The following DNAH5 variants were observed in gnomAD, a reference collection of about 807,000 sequenced individuals.
DNAH5 encodes the protein axonemal beta dynein heavy chain 5.
Under a neutral mutation model 518.2 loss-of-function variants are expected in DNAH5, and 372 were observed. The observed-to-expected ratio is 0.72, with a 90% CI of 0.66 to 0.78. DNAH5 has a LOEUF of 0.78. DNAH5 is among the 30% of genes least tolerant of loss of function. The pLI, the probability that DNAH5 is intolerant of heterozygous loss-of-function variation, is 0.00. For synonymous variants in DNAH5, 2,039 were observed against 2,025.9 expected (o/e 1.01, Z -0.17); for missense variants, 5,523 against 5,687.0 (o/e 0.97, Z 0.93).
Position 13,829,560 on chromosome 5 carries a change from T to C in DNAH5, c.6394A>G (p.Arg2132Gly), listed in dbSNP as rs763115422. 5 of 1,614,200 alleles carry C rather than the reference T, an allele frequency of 3.1e-6. No individual in the cohort carries two copies. In the East Asian group the frequency reaches 1.1e-4, roughly 36 times the overall value. ...CGFIDNVVLARKFFTLYKLCE... is the reference protein window; with the variant it reads ...CGFIDNVVLAGKFFTLYKLCE... ...AGTTTGTAGAGCGTGAAAAACTTCC[T>C]GGCCAAAACAACGTTGTCAATGAAG... Residue 2132 changes from arginine (R) to glycine (G), a missense_variant, in exon 38 of 79, where the codon AGG becomes GGG. Arg to Gly is a moderately radical substitution (Grantham distance 125). Around this residue, in one of 3 missense-constraint regions of DNAH5, gnomAD observed 5,121 missense variants for 5,223.3 expected, o/e 0.98. Coordinates refer to ENST00000265104, the MANE Select transcript of DNAH5 (RefSeq NM_001369.3).
At chr5:13,889,793 C>G (rs1426037237) in intron 17 of DNAH5, among the ~76,000 whole-genome samples, 2 of 152,140 alleles carry the variant, frequency 1.3e-5, no homozygotes, top group Admixed American at 6.5e-5. Flanking sequence ...AAAGCCTGGA[C>G]AGGGACTCCC....
chr5:13,863,085 A>C (rs1474120829), intron 28 of DNAH5, among the ~76,000 whole-genome samples: 1 of 152,160 alleles, frequency 6.6e-6, no homozygotes, highest in East Asian at 1.9e-4. Flanking sequence ...AATTCAATGT[A>C]TTTCTGATCT....
chr5:13,842,822 G>A (rs1270907795), intron 32 of DNAH5, among the ~76,000 whole-genome samples: 1 of 152,124 alleles, frequency 6.6e-6, no homozygotes, highest in Non-Finnish European at 1.5e-5. Flanking sequence ...CCCGATTGTA[G>A]AAACCTTATG....
intron 21 of DNAH5, among the ~76,000 whole-genome samples, chr5:13,880,782 A>C (rs1296703422): frequency 6.6e-6 from 1 of 152,022 alleles, no homozygotes; most frequent in Admixed American, 6.6e-5. Context: ...TCTACAAAAC[A>C]ACCAGAAAAC....
intron 1 of DNAH5, among the ~76,000 whole-genome samples, chr5:14,008,036 A>AAAATACAAAAATTAGCAGG (rs1432383055): frequency 5.9e-5 from 9 of 152,048 alleles, no homozygotes; most frequent in South Asian, 2.1e-4. Context: ...AGCAGGTGTA[A>AAAATACAAAAATTAGCAGG]TGGCACATGC....
Position 13,780,855 on chromosome 5 carries a change from G to A in DNAH5, c.8925C>T (p.Tyr2975=), listed in dbSNP as rs755490391. 1.2e-5 allele frequency: 20 copies of A among 1,613,696 alleles called. No homozygotes were observed. Among genetic ancestry groups the A allele is most frequent in the African/African-American group, 2.7e-5 (2 of 75,014 alleles). The part of the protein sequence containing the change: ...LTRLASFIAG[Y]VSFQITLTRS... ...TCGTCAGAGTGATCTGGAAGGAAAC[G>A]TAGCCAGCAATGAATGAAGCCAACC... is the stretch of plus-strand genomic sequence containing the variant. Residue 2975 remains tyrosine (Y), a synonymous_variant, in exon 53 of 79, where the codon TAC becomes TAT. Transcript: ENST00000265104.
chr5:13,753,215 T>C lies in DNAH5; in HGVS notation c.10872+18A>G. On this transcript the variant is annotated intron_variant, in intron 63 of 78. Coordinates refer to ENST00000265104, the MANE Select transcript of DNAH5 (RefSeq NM_001369.3). ...TAAAACTTAACCGGTAGCATAAACA[T>C]ACTAAAACACAAATTACCTGGAGTT... 6.3e-7 allele frequency: 1 copy of C among 1,599,820 alleles called. No homozygotes were observed. Among genetic ancestry groups the C allele is most frequent in the Non-Finnish European group, 8.6e-7 (1 of 1,167,266 alleles).
chr5:13,911,032 C>G (rs1189303157), intron 12 of DNAH5, among the ~76,000 whole-genome samples: 3 of 152,212 alleles, frequency 2.0e-5, no homozygotes, highest in African/African-American at 7.2e-5. Context: ...TTTGCCTGAG[C>G]TACCTCTGGT....
chr5:13,852,177 T>C (rs1580587404), intron 30 of DNAH5, among the ~76,000 whole-genome samples: 1 of 152,128 alleles, frequency 6.6e-6, no homozygotes, highest in South Asian at 2.1e-4. Context: ...TTTTTGTTTT[T>C]TGTTTCTGTG....
Position 13,824,294 on chromosome 5 carries a change from G to A in DNAH5, c.6484C>T (p.Leu2162Phe). ...CTTTTTGCTGCTCCCAAGGTCCGAA[G>A]AACTGACAGAATGTTACGCAGGCCA... Reference protein sequence around the residue: ...DFGLRNILSVLRTLGAAKRAN... With the variant: ...DFGLRNILSVFRTLGAAKRAN... The change falls in exon 39 of 79, where the codon CTT becomes TTT. Residue 2162 changes from leucine to phenylalanine, a missense_variant. By Grantham distance (22) the Leu-to-Phe change is conservative. Coordinates refer to ENST00000265104, the MANE Select transcript of DNAH5 (RefSeq NM_001369.3). 6.2e-7 allele frequency: 1 copy of A among 1,614,022 alleles called. No homozygotes were observed. Among genetic ancestry groups the A allele is most frequent in the Non-Finnish European group, 8.5e-7 (1 of 1,179,986 alleles).
chr5:13,790,710 T>C (rs900279485), intron 50 of DNAH5, among the ~76,000 whole-genome samples: 1 of 152,190 alleles, frequency 6.6e-6, no homozygotes. Flanking sequence ...TTTTCCACCA[T>C]GATTGTTAAG....
chr5:13,738,298 A>T (rs948388265), intron 65 of DNAH5, among the ~76,000 whole-genome samples: 2 of 152,156 alleles, frequency 1.3e-5, no homozygotes, highest in Admixed American at 1.3e-4. Flanking sequence ...AGACAAAGAT[A>T]TATATCTCTG....
intron 65 of DNAH5, among the ~76,000 whole-genome samples, chr5:13,747,351 G>A (rs1317924757): frequency 1.3e-4 from 20 of 152,104 alleles, no homozygotes; most frequent in Non-Finnish European, 2.1e-4. Flanking sequence ...ATAAACATAC[G>A]TGTGCATGTA....
chr5:13,708,234 G>A lies in DNAH5; in HGVS notation c.13227C>T (p.Ser4409=). 2 of 1,614,170 alleles carry A rather than the reference G, an allele frequency of 1.2e-6. No homozygotes were observed. Among genetic ancestry groups the A allele is most frequent in the Non-Finnish European group, 1.7e-6 (2 of 1,180,016 alleles). The part of the protein sequence containing the change: ...RMQRVLSLVR[S]TLTELKLAID... ...TAGCAAGTTTCAGCTCAGTGAGGGTGCTGCGGACAAGGCTGAGTACCCTTT... is the reference window on the plus strand; with the variant it reads ...TAGCAAGTTTCAGCTCAGTGAGGGTACTGCGGACAAGGCTGAGTACCCTTT... The change falls in exon 76 of 79, where the codon AGC becomes AGT. Residue 4409 remains serine, a synonymous_variant. Transcript: ENST00000265104.
chr5:13,890,673 G>A (rs560373665), intron 17 of DNAH5, among the ~76,000 whole-genome samples: 23 of 152,208 alleles, frequency 1.5e-4, no homozygotes, highest in Non-Finnish European at 2.6e-4. Context: ...TAGCTTATGA[G>A]AAGCACTTCT....
chr5:13,884,759 C>A (rs370983459), intron 19 of DNAH5, among the ~76,000 whole-genome samples: 2 of 152,328 alleles, frequency 1.3e-5, no homozygotes, highest in South Asian at 2.1e-4. Flanking sequence ...TCACTTGAAC[C>A]CAGGAGATGA....
At position 13,758,492 on chromosome 5, in the gene DNAH5, C is replaced by CTAAA. The variant is rs559774091; in HGVS notation, c.10419+350_10419+353dup. Among the ~76,000 whole-genome samples, 199 of 152,034 alleles carry CTAAA rather than the reference C, an allele frequency of 1.3e-3. 2 individuals carry two copies. In the East Asian group the frequency reaches 0.017, roughly 13 times the overall value. ...CCTGGACGACAGAGCAATACTTTGT[C>CTAAA]TAAATAAATAAATAAATAAATAAAC... On this transcript the variant is annotated intron_variant, in intron 61 of 78. Transcript: ENST00000265104.
chr5:13,861,156 C>G (rs1050501681), intron 29 of DNAH5, among the ~76,000 whole-genome samples: 5 of 152,140 alleles, frequency 3.3e-5, no homozygotes, highest in Admixed American at 2.6e-4. Flanking sequence ...CCCACCCCAA[C>G]CAGATAATTT....
At chr5:13,716,009 C>T (rs111339209) in intron 74 of DNAH5, among the ~76,000 whole-genome samples, 16 of 152,346 alleles carry the variant, frequency 1.1e-4, no homozygotes, top group African/African-American at 3.8e-4. Flanking sequence ...GGTTCTTACA[C>T]AAAGCAGCTT....
Sources: gnomAD v4.1 joint callset for allele counts (sites outside exome capture counted in the v4.1 genomes callset) on GRCh38, gnomAD v4.1.1 for gene constraint, gnomAD v4.1.1 regional missense constraint, MANE v1.5 for transcripts, NCBI Gene and HGNC (gene_info 2026-07-23, HGNC 2026-07-21) for gene names.